Variants in GLG1 observed in about 807,000 individuals in gnomAD.
The protein encoded by GLG1 is Golgi apparatus protein 1.
Under a neutral mutation model 160.5 loss-of-function variants are expected in GLG1, and 38 were observed. That is an observed-to-expected ratio of 0.24 (90% CI 0.18 to 0.31). The LOEUF is 0.31. Ranked by LOEUF, GLG1 falls within the 10% of genes least tolerant of loss-of-function variation. GLG1 has a pLI of 1.00. For synonymous variants in GLG1, 644 were observed against 543.4 expected, an observed-to-expected ratio of 1.19 and a Z score of -2.57; for missense variants, 1,373 against 1,505.2, an observed-to-expected ratio of 0.91 and a Z score of 1.45.
intron 11 of GLG1, among the ~76,000 whole-genome samples, chr16:74,479,569 C>T (rs2015525083): frequency 6.6e-6 from 1 of 152,122 alleles, no homozygotes; most frequent in African/African-American, 2.4e-5. Context: ...TTGAGATAGC[C>T]AGGCTTTTGC....
chr16:74,507,663 G>C (rs1344290489), intron 3 of GLG1, among the ~76,000 whole-genome samples: 2 of 152,012 alleles, frequency 1.3e-5, no homozygotes, highest in African/African-American at 2.4e-5. Context: ...TTGAACCCAG[G>C]AGGCAGAGGT....
chr16:74,516,604 G>GA (rs2016985598), intron 2 of GLG1, among the ~76,000 whole-genome samples: 2 of 152,292 alleles, frequency 1.3e-5, no homozygotes, highest in Non-Finnish European at 2.9e-5. Context: ...GAGAAAGCAG[G>GA]AAAGATCTAA....
At chr16:74,571,252 G>C (rs1242891998) in intron 1 of GLG1, among the ~76,000 whole-genome samples, 1 of 152,158 alleles carries the variant, frequency 6.6e-6, no homozygotes, top group Non-Finnish European at 1.5e-5. Flanking sequence ...GACCTGCCAA[G>C]TGACTACAGA....
At chr16:74,510,338 T>A (rs533550951) in intron 2 of GLG1, among the ~76,000 whole-genome samples, 35 of 152,302 alleles carry the variant, frequency 2.3e-4, no homozygotes, top group South Asian at 2.1e-3. Context: ...GCCCATAAGG[T>A]CCACTTTATA....
intron 2 of GLG1, among the ~76,000 whole-genome samples, chr16:74,512,169 T>G (rs1453955548): frequency 6.7e-6 from 1 of 149,898 alleles, no homozygotes; most frequent in East Asian, 1.9e-4. Context: ...TCTTTTTTTT[T>G]TTTTTCTCAG....
intron 1 of GLG1, among the ~76,000 whole-genome samples, chr16:74,558,013 C>T (rs1297814569): frequency 6.6e-6 from 1 of 152,112 alleles, no homozygotes; most frequent in African/African-American, 2.4e-5. Context: ...TAGACACACA[C>T]ATAAGGAAAG....
chr16:74,556,808 AAT>A (rs2018367501), intron 1 of GLG1, among the ~76,000 whole-genome samples: 1 of 150,362 alleles, frequency 6.7e-6, no homozygotes, highest in African/African-American at 2.4e-5. Context: ...ATTACAACCT[AAT>A]AGTCTTTAGC....
chr16:74,465,502 T>A (rs998933796), intron 19 of GLG1, among the ~76,000 whole-genome samples, 174 bp downstream of exon 19: 4 of 152,164 alleles, frequency 2.6e-5, no homozygotes, highest in African/African-American at 9.6e-5. Flanking sequence ...AGTTTCTGAT[T>A]CAGCAGATCT....
chr16:74,531,139 T>C (rs536420669), intron 2 of GLG1, among the ~76,000 whole-genome samples: 2 of 152,274 alleles, frequency 1.3e-5, no homozygotes, highest in South Asian at 2.1e-4. Flanking sequence ...TCTAGTATTC[T>C]TCTAGTTTTA....
chr16:74,581,213 T>C (rs995435950), intron 1 of GLG1, among the ~76,000 whole-genome samples: 7 of 152,142 alleles, frequency 4.6e-5, no homozygotes, highest in Admixed American at 2.6e-4. Context: ...GCAGCATTAT[T>C]CACAAAAGCC....
chr16:74,490,989 A>G lies in GLG1; in HGVS notation c.1449+12T>C, dbSNP rs1288209899. 1 of 1,592,858 alleles carries G rather than the reference A, an allele frequency of 6.3e-7. No individual in the cohort carries two copies. On this transcript the variant is annotated intron_variant, in intron 8 of 25. Coordinates refer to ENST00000422840, the MANE Select transcript of GLG1 (RefSeq NM_001145667.2). ...TGTGACATTCAAAATGGCAATAGCA[A>G]TGTCTCCTTACCGCCTGCTGGCAGT... is the stretch of plus-strand genomic sequence containing the variant.
intron 3 of GLG1, among the ~76,000 whole-genome samples, chr16:74,504,849 A>C (rs1317109164): frequency 1.3e-5 from 2 of 152,248 alleles, no homozygotes; most frequent in East Asian, 3.8e-4. Flanking sequence ...TCCAAACCAC[A>C]AAATGCTAAT....
In GLG1 at chr16:74,514,000, G is replaced by A. The variant is rs143667513; in HGVS notation, c.472-5075C>T. Reference sequence around the variant, plus strand: ...CGAGAACTTCGTGAAGCATACGTAAGCTTCAATAGTCGATTTGATCAAGCG... The same window carrying A: ...CGAGAACTTCGTGAAGCATACGTAAACTTCAATAGTCGATTTGATCAAGCG... On this transcript the variant is annotated intron_variant, in intron 2 of 25. Transcript: ENST00000422840. Among the ~76,000 whole-genome samples the A allele has an allele frequency of 6.6e-5, 10 of 152,284 alleles. No homozygotes were observed. In the East Asian group the frequency reaches 1.9e-3, roughly 29 times the overall value.
rs746432628 is a variant in GLG1, at chr16:74,606,688, G to A, written c.407C>T (p.Ala136Val). The change falls in exon 1 of 26, where the codon GCG becomes GTG. Residue 136 changes from alanine to valine, a missense_variant. Coordinates refer to ENST00000422840, the MANE Select transcript of GLG1 (RefSeq NM_001145667.2). ...CPKHTWSNNL[A>V]VLECLQDVRE... ...CACATCCTGCAGGCACTCGAGCACC[G>A]CCAGGTTGTTGCTCCAGGTGTGCTT... 1.6e-5 allele frequency: 25 copies of A among 1,599,336 alleles called. No individual in the cohort carries two copies. In the East Asian group the frequency reaches 3.4e-4, roughly 22 times the overall value.
intron 5 of GLG1, among the ~76,000 whole-genome samples, chr16:74,496,019 CT>C (rs2143407950): frequency 6.6e-6 from 1 of 152,210 alleles, no homozygotes; most frequent in South Asian, 2.1e-4. Context: ...AATCCTAGTA[CT>C]TTCAGAGACA....
At chr16:74,582,419 A>G (rs1733274087) in intron 1 of GLG1, among the ~76,000 whole-genome samples, 1 of 152,088 alleles carries the variant, frequency 6.6e-6, no homozygotes, top group Non-Finnish European at 1.5e-5. Context: ...GCCTGCCTCA[A>G]CATCCCAAGG....
chr16:74,593,237 T>A (rs1958223063), intron 1 of GLG1, among the ~76,000 whole-genome samples: 1 of 152,172 alleles, frequency 6.6e-6, no homozygotes, highest in Non-Finnish European at 1.5e-5. Context: ...AATTAACAGA[T>A]GGCATTACGT....
At chr16:74,500,843 T>C (rs753229020) in intron 4 of GLG1, among the ~76,000 whole-genome samples, 6 of 152,226 alleles carry the variant, frequency 3.9e-5, no homozygotes, top group Admixed American at 3.9e-4. Context: ...TTTGACAACA[T>C]TTATTATTAT....
chr16:74,577,522 CAAA>C (rs71376222), intron 1 of GLG1, among the ~76,000 whole-genome samples: 4 of 120,218 alleles, frequency 3.3e-5, no homozygotes, highest in Admixed American at 8.6e-5. Flanking sequence ...AACTCCATCT[CAAA>C]AAAAAAAAAA....
Sources: gnomAD v4.1 joint callset for allele counts (sites outside exome capture counted in the v4.1 genomes callset) on GRCh38, gnomAD v4.1.1 for gene constraint, MANE v1.5 for transcripts, NCBI Gene and HGNC (gene_info 2026-07-23, HGNC 2026-07-21) for gene names.